Variants in HMGA2 observed in about 807,000 individuals in gnomAD.
The protein encoded by HMGA2 is high mobility group AT-hook 2, also known as high mobility group protein HMGI-C.
A neutral mutation model predicts 19.1 loss-of-function variants in HMGA2; 8 were observed. The observed-to-expected ratio is 0.42, with a 90% CI of 0.25 to 0.76. HMGA2 has a LOEUF of 0.76. Among genes scored for constraint, HMGA2 ranks in the 30% least tolerant of loss-of-function variants. HMGA2 has a pLI of 0.28. For synonymous variants in HMGA2, 60 were observed against 48.8 expected (o/e 1.23, Z -0.96); for missense variants, 109 against 136.3 (o/e 0.80, Z 1.00).
chr12:65,877,826 T>G (rs1036435344), intron 3 of HMGA2, among the ~76,000 whole-genome samples: 14 of 152,074 alleles, frequency 9.2e-5, no homozygotes, highest in African/African-American at 3.4e-4. Context: ...AAAAAAAAAT[T>G]AATAGATTAA....
At chr12:65,940,589 T>C (rs1225085398) in intron 3 of HMGA2, among the ~76,000 whole-genome samples, 1 of 152,200 alleles carries the variant, frequency 6.6e-6, no homozygotes, top group East Asian at 1.9e-4. Flanking sequence ...TAAAAGAGGA[T>C]GGTTGCCTAT....
intron 3 of HMGA2, among the ~76,000 whole-genome samples, chr12:65,945,316 T>C (rs1167289275): frequency 6.6e-6 from 1 of 152,042 alleles, no homozygotes; most frequent in Non-Finnish European, 1.5e-5. Context: ...ATCTTGACAT[T>C]CTGGAATATT....
At chr12:65,906,326 G>A (rs1246257969) in intron 3 of HMGA2, among the ~76,000 whole-genome samples, 2 of 152,152 alleles carry the variant, frequency 1.3e-5, no homozygotes, top group African/African-American at 2.4e-5. Context: ...GGTCACTTGG[G>A]GGGTCAGTGC....
At chr12:65,827,351 G>A (rs1284870905) in intron 1 of HMGA2, among the ~76,000 whole-genome samples, 1 of 152,152 alleles carries the variant, frequency 6.6e-6, no homozygotes, top group Admixed American at 6.5e-5. Flanking sequence ...AAAGGAAGTG[G>A]AGAATTGAAG....
At chr12:65,955,244 C>G (rs185919238) in intron 4 of HMGA2, 1 of 152,076 alleles carries the variant, frequency 6.6e-6, no homozygotes, top group Non-Finnish European at 1.5e-5. Context: ...CAGTTGAATT[C>G]TCAGTCATAT....
At chr12:65,863,591 C>T (rs1872225129) in intron 3 of HMGA2, among the ~76,000 whole-genome samples, 2 of 152,122 alleles carry the variant, frequency 1.3e-5, no homozygotes, top group Admixed American at 1.3e-4. Flanking sequence ...AAAATCACAA[C>T]AATATCCTTT....
At chr12:65,957,925 G>A (rs1876647612) in intron 4 of HMGA2, 1 of 152,126 alleles carries the variant, frequency 6.6e-6, no homozygotes, top group Non-Finnish European at 1.5e-5. Context: ...TGAATCATAG[G>A]TAAAGAAATA....
At chr12:65,881,791 G>C (rs548052021) in intron 3 of HMGA2, 1 of 703,080 alleles carries the variant, frequency 1.4e-6, no homozygotes, top group Non-Finnish European at 2.6e-6. Context: ...TGCTGATCCC[G>C]GAACTGGCCT....
chr12:65,950,890 C>T (rs1309735905), intron 3 of HMGA2, among the ~76,000 whole-genome samples: 1 of 152,114 alleles, frequency 6.6e-6, no homozygotes, highest in African/African-American at 2.4e-5. Flanking sequence ...ACTGAGATAA[C>T]CTATGTTGTA....
chr12:65,847,131 C>G (rs1871264345), intron 3 of HMGA2, among the ~76,000 whole-genome samples: 1 of 152,008 alleles, frequency 6.6e-6, no homozygotes, highest in Non-Finnish European at 1.5e-5. Context: ...ATTGGTTGTG[C>G]TATGTGCTGT....
intron 3 of HMGA2, among the ~76,000 whole-genome samples, chr12:65,839,821 G>T (rs1184041654): frequency 2.0e-5 from 3 of 152,068 alleles, no homozygotes; most frequent in Non-Finnish European, 4.4e-5. Context: ...ACCTCTCAAG[G>T]CTGCCTCTTT....
chr12:65,830,877 A>G (rs1870446881), intron 2 of HMGA2: 1 of 151,920 alleles, frequency 6.6e-6, no homozygotes, highest in Non-Finnish European at 1.5e-5. Flanking sequence ...AACTTTTGGA[A>G]GAGAAGATAA....
At chr12:65,887,224 C>T (rs1873695670) in intron 3 of HMGA2, among the ~76,000 whole-genome samples, 1 of 152,074 alleles carries the variant, frequency 6.6e-6, no homozygotes, top group African/African-American at 2.4e-5. Flanking sequence ...CAATGAAAAC[C>T]TTATCTTGGC....
intron 4 of HMGA2, chr12:65,951,799 A>T (rs1165532006): frequency 5.6e-6 from 1 of 177,324 alleles, no homozygotes; most frequent in African/African-American, 2.4e-5. Context: ...TTAATGATTC[A>T]TGACTGGAAA....
At chr12:65,949,000 C>T (rs548383649) in intron 3 of HMGA2, among the ~76,000 whole-genome samples, 1 of 152,204 alleles carries the variant, frequency 6.6e-6, no homozygotes, top group Admixed American at 6.5e-5. Flanking sequence ...AACATGTGTA[C>T]AGGTGTAATC....
At chr12:65,881,652 A>AAGAG (rs138318159) in intron 3 of HMGA2, 22 of 637,338 alleles carry the variant, frequency 3.5e-5, no homozygotes, top group Admixed American at 3.2e-4. Flanking sequence ...GGGAGGGAGA[A>AAGAG]AGAGAGAGAG....
At chr12:65,922,744 C>T (rs888636891) in intron 3 of HMGA2, among the ~76,000 whole-genome samples, 2 of 152,140 alleles carry the variant, frequency 1.3e-5, no homozygotes, top group Non-Finnish European at 2.9e-5. Flanking sequence ...CACCCAATGT[C>T]AACTCAAATT....
At chr12:65,932,111 T>C (rs1269337135) in intron 3 of HMGA2, among the ~76,000 whole-genome samples, 1 of 152,162 alleles carries the variant, frequency 6.6e-6, no homozygotes, top group Non-Finnish European at 1.5e-5. Context: ...TTAATTGTCA[T>C]TGCACCTCTT....
intron 3 of HMGA2, among the ~76,000 whole-genome samples, chr12:65,924,899 C>G (rs778657706): frequency 2.6e-4 from 40 of 152,310 alleles, no homozygotes; most frequent in Admixed American, 6.5e-4. Flanking sequence ...TCTTCCATCC[C>G]TCTTCTGCCG....
Sources: gnomAD v4.1 joint callset for allele counts (sites outside exome capture counted in the v4.1 genomes callset) on GRCh38, gnomAD v4.1.1 for gene constraint, MANE v1.5 for transcripts, NCBI Gene and HGNC (gene_info 2026-07-23, HGNC 2026-07-21) for gene names.